The following NTM variants were observed in gnomAD, a reference collection of about 807,000 sequenced individuals.
NTM encodes neurotrimin.
In NTM, 13 loss-of-function variants were observed where a neutral mutation model predicts 42.1. That is an observed-to-expected ratio of 0.31 (90% CI 0.20 to 0.49). The LOEUF (loss-of-function observed/expected upper bound fraction) is 0.49. Ranked by LOEUF, NTM falls within the 20% of genes least tolerant of loss-of-function variation. The pLI, the probability that NTM is intolerant of heterozygous loss-of-function variation, is 0.99. For synonymous variants in NTM, 187 were observed against 179.2 expected, an observed-to-expected ratio of 1.04 and a Z score of -0.35; for missense variants, 373 against 452.8, an observed-to-expected ratio of 0.82 and a Z score of 1.60.
intron 1 of NTM, among the ~76,000 whole-genome samples, chr11:131,600,716 G>A (rs1295341317): frequency 5.9e-5 from 9 of 152,170 alleles, no homozygotes; most frequent in Admixed American, 5.9e-4. Flanking sequence ...AGGTACTTAT[G>A]GGCTGCAGGA....
At chr11:132,327,808 TTCC>T (rs1408933041) in intron 7 of NTM, among the ~76,000 whole-genome samples, 2 of 151,720 alleles carry the variant, frequency 1.3e-5, no homozygotes, top group Non-Finnish European at 2.9e-5. Flanking sequence ...CCTTTCTTCC[TTCC>T]TGTCTCCCTC....
At chr11:131,471,506 G>A (rs967851199) in intron 1 of NTM, among the ~76,000 whole-genome samples, 1 of 152,216 alleles carries the variant, frequency 6.6e-6, no homozygotes, top group Non-Finnish European at 1.5e-5. Flanking sequence ...TGTTTTAAGA[G>A]TGTGTAACGG....
intron 1 of NTM, among the ~76,000 whole-genome samples, chr11:131,672,084 G>A (rs984304345): frequency 3.3e-5 from 5 of 152,210 alleles, no homozygotes; most frequent in Non-Finnish European, 7.3e-5. Flanking sequence ...TACACAAATT[G>A]CCTGTTTCTG....
intron 1 of NTM, among the ~76,000 whole-genome samples, chr11:131,789,543 A>G (rs1295649791): frequency 7.9e-5 from 2 of 25,292 alleles, no homozygotes; most frequent in Admixed American, 5.4e-4. Flanking sequence ...GAAGAAGAAG[A>G]AGAAAAGAAG....
At chr11:131,597,219 C>T (rs571876314) in intron 1 of NTM, among the ~76,000 whole-genome samples, 4 of 152,246 alleles carry the variant, frequency 2.6e-5, no homozygotes, top group Non-Finnish European at 5.9e-5. Flanking sequence ...TCAGGTTGGG[C>T]CCTTAGGAAA....
intron 1 of NTM, among the ~76,000 whole-genome samples, chr11:131,782,961 T>C (rs1250006077): frequency 2.6e-5 from 4 of 152,156 alleles, no homozygotes; most frequent in African/African-American, 7.2e-5. Context: ...CTATCTGTTA[T>C]TAAGCTGGAG....
chr11:131,952,007 T>A (rs1399361741), intron 2 of NTM, among the ~76,000 whole-genome samples: 1 of 152,024 alleles, frequency 6.6e-6, no homozygotes, highest in Non-Finnish European at 1.5e-5. Flanking sequence ...AATACCCTGG[T>A]CTTACTCCTA....
chr11:131,722,021 A>AAAAAAAAAGAG (rs368857349), intron 1 of NTM, among the ~76,000 whole-genome samples: 4 of 112,826 alleles, frequency 3.5e-5, no homozygotes, highest in African/African-American at 1.4e-4. Flanking sequence ...AAAAAAAAAA[A>AAAAAAAAAGAG]AGAGAGAAAG....
At chr11:132,232,874 C>T (rs376361971) in intron 4 of NTM, among the ~76,000 whole-genome samples, 31 of 152,120 alleles carry the variant, frequency 2.0e-4, no homozygotes, top group Non-Finnish European at 4.0e-4. Flanking sequence ...AAGCAAAAAA[C>T]GTAAGCGGCG....
chr11:132,160,667 C>G (rs1174741442), intron 3 of NTM, among the ~76,000 whole-genome samples: 1 of 152,156 alleles, frequency 6.6e-6, no homozygotes, highest in Non-Finnish European at 1.5e-5. Context: ...GGCTGAATAC[C>G]AGGGGCTATG....
At chr11:132,119,437 A>C (rs2064405293) in intron 2 of NTM, among the ~76,000 whole-genome samples, 1 of 152,092 alleles carries the variant, frequency 6.6e-6, no homozygotes. Flanking sequence ...AGGAACAGCC[A>C]ATTCCATTAC....
At chr11:132,087,582 AGT>A (rs774854794) in intron 2 of NTM, among the ~76,000 whole-genome samples, 20 of 152,286 alleles carry the variant, frequency 1.3e-4, no homozygotes, top group Non-Finnish European at 2.2e-4. Context: ...TCATAAGCCC[AGT>A]GCTAAGGTAT....
At chr11:132,067,806 T>G (rs139783373) in intron 2 of NTM, among the ~76,000 whole-genome samples, 226 of 152,358 alleles carry the variant, frequency 1.5e-3, no homozygotes, top group African/African-American at 5.2e-3. Flanking sequence ...CCTTTTTTCA[T>G]GAAGGGTAGC....
chr11:132,315,938 C>CTTTTTGCCTT (rs1325521413), intron 7 of NTM, among the ~76,000 whole-genome samples: 1 of 143,842 alleles, frequency 7.0e-6, no homozygotes, highest in Non-Finnish European at 1.5e-5. Flanking sequence ...TTTTTCATGC[C>CTTTTTGCCTT]TTTTTGCCTT....
intron 2 of NTM, among the ~76,000 whole-genome samples, chr11:131,939,591 G>C (rs1274437176): frequency 1.3e-5 from 2 of 151,980 alleles, no homozygotes; most frequent in African/African-American, 2.4e-5. Flanking sequence ...AGAGGTGAGA[G>C]GTAGAGTACA....
chr11:131,489,724 G>A (rs2136287124), intron 1 of NTM, among the ~76,000 whole-genome samples: 1 of 152,118 alleles, frequency 6.6e-6, no homozygotes, highest in Non-Finnish European at 1.5e-5. Flanking sequence ...TCTCTCCTTT[G>A]CAATGCCTCA....
At chr11:131,560,129 TA>T (rs2056030907) in intron 1 of NTM, among the ~76,000 whole-genome samples, 1 of 152,204 alleles carries the variant, frequency 6.6e-6, no homozygotes, top group Admixed American at 6.5e-5. Flanking sequence ...ATTCTGCAGG[TA>T]AAAGTTTTGA....
At chr11:131,818,508 C>T (rs962388296) in intron 1 of NTM, among the ~76,000 whole-genome samples, 3 of 152,040 alleles carry the variant, frequency 2.0e-5, no homozygotes, top group Non-Finnish European at 4.4e-5. Context: ...CATTAATCAC[C>T]GTTCAGCACA....
At chr11:131,559,424 C>T (rs1335808710) in intron 1 of NTM, among the ~76,000 whole-genome samples, 2 of 152,168 alleles carry the variant, frequency 1.3e-5, no homozygotes, top group Admixed American at 6.5e-5. Context: ...TTTGCTTCTC[C>T]ACTCCTTTTT....
Sources: allele counts gnomAD v4.1 joint callset (sites outside exome capture counted in the v4.1 genomes callset), GRCh38; gene constraint gnomAD v4.1.1; transcripts MANE v1.5; gene names NCBI Gene and HGNC (gene_info 2026-07-23, HGNC 2026-07-21).